The following TM9SF2 variants were observed in gnomAD, a reference collection of about 807,000 sequenced individuals.
The protein encoded by TM9SF2 is transmembrane 9 superfamily member 2.
TM9SF2 carries 13 observed loss-of-function variants against 84.9 expected under a neutral mutation model. That is an observed-to-expected ratio of 0.15 (90% CI 0.10 to 0.24). TM9SF2 has a LOEUF of 0.24. TM9SF2 is among the 10% of genes least tolerant of loss of function. The probability of loss-of-function intolerance (pLI) is 1.00; values close to 1 mark genes in which losing one functional copy is unlikely to be tolerated. For synonymous variants in TM9SF2, 273 were observed against 285.8 expected (o/e 0.96, Z 0.45); for missense variants, 562 against 818.5 (o/e 0.69, Z 3.82).
chr13:99,559,293 G>A (rs1281859413), intron 15 of TM9SF2, 70 bp from the exon 16 acceptor site: 2 of 1,358,122 alleles, frequency 1.5e-6, no homozygotes, highest in African/African-American at 1.5e-5. Context: ...TGCTTGCTTT[G>A]AACCTTAGTA....
At chr13:99,519,079 A>G (rs188887210) in intron 2 of TM9SF2, among the ~76,000 whole-genome samples, 1 of 152,214 alleles carries the variant, frequency 6.6e-6, no homozygotes, top group African/African-American at 2.4e-5. Context: ...TACACAAAAA[A>G]GTTACGACTA....
chr13:99,558,006 T>C (rs1022962488), intron 15 of TM9SF2, among the ~76,000 whole-genome samples: 3 of 152,254 alleles, frequency 2.0e-5, no homozygotes, highest in African/African-American at 7.2e-5. Context: ...TTGTATTTTG[T>C]GTGATGTAGT....
Position 99,554,359 on chromosome 13 carries a change from CGTTCTA to C in TM9SF2, c.1545_1550del (p.Phe516_Tyr517del). 6.2e-7 allele frequency: 1 copy of C among 1,613,962 alleles called. No individual in the cohort carries two copies. Among genetic ancestry groups the C allele is most frequent in the Non-Finnish European group, 8.5e-7 (1 of 1,179,974 alleles). ...ATTCCACGTCAGATTCCTGAACAGT[CGTTCTA>C]CACGAAGCCCTTGCCTGGTATTATC... On this transcript the variant is annotated inframe_deletion, in exon 14 of 17. Transcript: ENST00000376387.
At chr13:99,540,848 T>C in intron 8 of TM9SF2, 55 bp downstream of exon 8, 1 of 1,419,608 alleles carries the variant, frequency 7.0e-7, no homozygotes. Context: ...CCTCTGTCCC[T>C]TTGAACATCT....
Position 99,536,584 on chromosome 13 carries a change from CTT to C in TM9SF2, c.462-23_462-22del, listed in dbSNP as rs2046235619. The C allele has an allele frequency of 2.5e-6, 4 of 1,604,582 alleles. No individual in the cohort carries two copies. The East Asian group carries it at 8.9e-5, about 36-fold the overall frequency. ...TCATGTTTGGTGGGTTCTTTTCTAA[CTT>C]AACTCCTCTTTCCATGTGTAGGATT... is the stretch of plus-strand genomic sequence containing the variant. On this transcript the variant is annotated intron_variant, in intron 4 of 16. Coordinates refer to ENST00000376387, the MANE Select transcript of TM9SF2 (RefSeq NM_004800.3).
chr13:99,518,763 ATTTT>A (rs34847688), intron 2 of TM9SF2, among the ~76,000 whole-genome samples: 2,968 of 128,628 alleles, frequency 0.023, 109 homozygotes, highest in African/African-American at 0.081. Context: ...TGCCCAGCTA[ATTTT>A]TTTTTTTTTT....
At position 99,546,990 on chromosome 13, in the gene TM9SF2, G is replaced by T. The variant is rs773358241; in HGVS notation, c.1156G>T (p.Ala386Ser). 2 of 1,614,048 alleles carry T rather than the reference G, an allele frequency of 1.2e-6. No individual in the cohort carries two copies. The highest frequency in any genetic ancestry group is 2.2e-5 in the East Asian group (1 of 44,886). ...LIMTFVTLFF[A>S]CLGFLSPANR... Reference sequence around the variant, plus strand: ...TTTCACGATTTGTGTTTTAGTTTTCGCTTGCCTGGGATTTTTGTCACCTGC... The same window carrying T: ...TTTCACGATTTGTGTTTTAGTTTTCTCTTGCCTGGGATTTTTGTCACCTGC... The change falls in exon 11 of 17, where the codon GCT becomes TCT. Residue 386 changes from alanine (A) to serine (S), a missense_variant. Coordinates refer to ENST00000376387, the MANE Select transcript of TM9SF2 (RefSeq NM_004800.3).
chr13:99,517,706 T>C lies in TM9SF2; in HGVS notation c.239+25T>C, dbSNP rs1296889049. ...CGTAAGTTTTTCAGCTTGGCTTTTA[T>C]ATAAAATTTTATGTGACTCATCAGA... On this transcript the variant is annotated intron_variant, in intron 2 of 16. Coordinates refer to ENST00000376387, the MANE Select transcript of TM9SF2 (RefSeq NM_004800.3). The C allele has an allele frequency of 2.6e-6, 4 of 1,510,884 alleles. No homozygotes were observed. In the South Asian group the frequency reaches 3.8e-5, roughly 14 times the overall value. 93.6% of individuals were successfully genotyped at this position (1,510,884 alleles called of 1,614,324 possible).
Position 99,507,032 on chromosome 13 carries a change from A to C in TM9SF2, c.171+5255A>C, listed in dbSNP as rs187875573. Among the ~76,000 whole-genome samples the C allele has an allele frequency of 2.4e-3, 358 of 152,314 alleles. 1 individual carries two copies. Among genetic ancestry groups the C allele is most frequent in the Non-Finnish European group, 3.6e-3 (242 of 68,028 alleles). On this transcript the variant is annotated intron_variant, in intron 1 of 16. Transcript: ENST00000376387. ...CTCTTCTCACTTTTCAAACCTGTTT[A>C]TTGCCCTTTGCTAATAATAATGGTA... is the stretch of plus-strand genomic sequence containing the variant.
intron 6 of TM9SF2, among the ~76,000 whole-genome samples, chr13:99,538,742 G>C (rs1342863093): frequency 6.6e-6 from 1 of 151,554 alleles, no homozygotes; most frequent in Non-Finnish European, 1.5e-5. Flanking sequence ...GTGAGACCCT[G>C]TCTCTACAGA....
Position 99,562,943 on chromosome 13 carries a change from A to C in TM9SF2, c.*185A>C. On this transcript the variant is annotated 3_prime_UTR_variant, in exon 17 of 17. Transcript: ENST00000376387. ...CATAAGATGTGTCTTCAACACTATAAAGCATTTGTATTGTGATTTGATTAA... is the reference window on the plus strand; with the variant it reads ...CATAAGATGTGTCTTCAACACTATACAGCATTTGTATTGTGATTTGATTAA... 2.0e-6 allele frequency: 1 copy of C among 512,792 alleles called. No homozygotes were observed. The allele number at this position is 512,792 out of a possible 1,614,324, so 31.8% of individuals were successfully genotyped here.
chr13:99,517,638 A>G lies in TM9SF2; in HGVS notation c.196A>G (p.Arg66Gly). ...CKAEIELFVN[R>G]LDSVESVLPY... ...GGCCGAAATAGAACTATTTGTGAAC[A>G]GACTTGATTCAGTGGAATCAGTTCT... The change falls in exon 2 of 17, where the codon AGA becomes GGA. Residue 66 changes from arginine to glycine, a missense_variant. Physicochemically the swap from Arg to Gly is moderately radical, Grantham distance 125 (BLOSUM62 -2). Transcript: ENST00000376387. 4 of 1,588,744 alleles carry G rather than the reference A, an allele frequency of 2.5e-6. No individual in the cohort carries two copies. The highest frequency in any genetic ancestry group is 3.4e-6 in the Non-Finnish European group (4 of 1,168,982).
chr13:99,530,195 C>T (rs9582316), intron 4 of TM9SF2, among the ~76,000 whole-genome samples: 3,784 of 152,150 alleles, frequency 0.025, 162 homozygotes, highest in African/African-American at 0.086. Flanking sequence ...GAGGCTGAGG[C>T]GGTTGGATCA....
In TM9SF2 at chr13:99,501,689, C is replaced by T. The variant is rs779035008; in HGVS notation, c.83C>T (p.Pro28Leu). ...TCGCTGCTCCTGCTGGGGGCGGTTC[C>T]TGGCCCGCGCCGGAGCGGCGCTTTC... ...LLSLLLLGAV[P>L]GPRRSGAFYL... Residue 28 changes from proline to leucine, a missense_variant, in exon 1 of 17, where the codon CCT becomes CTT. Coordinates refer to ENST00000376387, the MANE Select transcript of TM9SF2 (RefSeq NM_004800.3). The T allele has an allele frequency of 6.2e-7, 1 of 1,612,698 alleles. No individual in the cohort carries two copies. The highest frequency in any genetic ancestry group is 1.1e-5 in the South Asian group (1 of 91,048).
chr13:99,556,619 T>C (rs931872316), intron 15 of TM9SF2, among the ~76,000 whole-genome samples: 1 of 150,912 alleles, frequency 6.6e-6, no homozygotes, highest in Non-Finnish European at 1.5e-5. Context: ...AGTCTCGCTC[T>C]GCTGCCCAGG....
At position 99,529,559 on chromosome 13, in the gene TM9SF2, G is replaced by GA; in HGVS notation, c.433dup (p.Ser145LysfsTer14). 3.2e-6 allele frequency: 5 copies of GA among 1,583,844 alleles called. No homozygotes were observed. The highest frequency in any genetic ancestry group is 1.9e-5 in the Admixed American group (1 of 53,058). On this transcript the variant is annotated frameshift_variant, in exon 4 of 17. Coordinates refer to ENST00000376387, the MANE Select transcript of TM9SF2 (RefSeq NM_004800.3). LOFTEE classifies it high-confidence loss of function. ...AAGACAAACAAAAGTTAGAATTCTT[G>GA]AAAAAAAGCATGTTATTGAATTATC... is the stretch of plus-strand genomic sequence containing the variant.
intron 9 of TM9SF2, among the ~76,000 whole-genome samples, chr13:99,542,275 G>C (rs966879684): frequency 6.6e-6 from 1 of 152,122 alleles, no homozygotes; most frequent in African/African-American, 2.4e-5. Context: ...ACTCTGTAAG[G>C]TTTCTCCATC....
chr13:99,502,492 A>G (rs2139064239), intron 1 of TM9SF2, among the ~76,000 whole-genome samples: 1 of 152,342 alleles, frequency 6.6e-6, no homozygotes, highest in South Asian at 2.1e-4. Flanking sequence ...TTTCTCTGAG[A>G]TGGTTTTAAA....
At chr13:99,506,229 A>G (rs2046088116) in intron 1 of TM9SF2, among the ~76,000 whole-genome samples, 1 of 152,222 alleles carries the variant, frequency 6.6e-6, no homozygotes, top group African/African-American at 2.4e-5. Context: ...GAATGAATAT[A>G]TATGTACCTG....
Sources: gnomAD v4.1 joint callset for allele counts (sites outside exome capture counted in the v4.1 genomes callset) on GRCh38, gnomAD v4.1.1 for gene constraint, MANE v1.5 for transcripts, NCBI Gene and HGNC (gene_info 2026-07-23, HGNC 2026-07-21) for gene names.